Variants in CDH18 observed in about 807,000 individuals in gnomAD.
CDH18 encodes the protein cadherin-18.
In CDH18, 31 loss-of-function variants were observed where a neutral mutation model predicts 67.9. The observed-to-expected ratio is 0.46, with a 90% CI of 0.34 to 0.62. CDH18 has a LOEUF of 0.62. Ranked by LOEUF, CDH18 falls within the 20% of genes least tolerant of loss-of-function variation. The pLI is 0.01. For missense variants in CDH18, 890 were observed against 975.5 expected (o/e 0.91, Z 1.17); for synonymous variants, 362 against 347.2 (o/e 1.04, Z -0.48).
intron 11 of CDH18, among the ~76,000 whole-genome samples, chr5:19,496,805 C>G (rs986899589): frequency 1.4e-4 from 16 of 113,308 alleles, no homozygotes; most frequent in Non-Finnish European, 2.4e-4. Flanking sequence ...GAGTGAGACT[C>G]CATCTCAAAA....
intron 1 of CDH18, among the ~76,000 whole-genome samples, chr5:20,316,344 GA>G (rs1561964946): frequency 6.6e-6 from 1 of 151,986 alleles, no homozygotes; most frequent in African/African-American, 2.4e-5. Flanking sequence ...TGAAATTTAA[GA>G]TCTCTTATTA....
chr5:19,627,617 T>G (rs1392384886), intron 5 of CDH18, among the ~76,000 whole-genome samples: 1 of 152,232 alleles, frequency 6.6e-6, no homozygotes, highest in Non-Finnish European at 1.5e-5. Context: ...GCTTGTAAAT[T>G]GTGTGCTACA....
Position 19,930,970 on chromosome 5 carries a change from C to T in CDH18, c.-257+50090G>A, listed in dbSNP as rs145566088. On this transcript the variant is annotated intron_variant, in intron 2 of 12. Transcript: ENST00000382275. ...AGAATGGAAGTGTGATCAAGACTCT[C>T]AGTTGCTACATCTTGGCAGATATGA... is the stretch of plus-strand genomic sequence containing the variant. 1.8e-4 allele frequency among the ~76,000 whole-genome samples: 28 copies of T among 152,094 alleles called. No individual in the cohort carries two copies. The East Asian group carries it at 3.1e-3, about 17-fold the overall frequency.
intron 1 of CDH18, among the ~76,000 whole-genome samples, chr5:20,365,923 G>A (rs780578849): frequency 1.6e-4 from 24 of 151,992 alleles, no homozygotes; most frequent in Admixed American, 3.9e-4. Flanking sequence ...ATGATGTGCC[G>A]TTGGCCTTCC....
At chr5:20,377,085 G>T (rs1050074068) in intron 1 of CDH18, among the ~76,000 whole-genome samples, 1 of 151,900 alleles carries the variant, frequency 6.6e-6, no homozygotes, top group Non-Finnish European at 1.5e-5. Context: ...TTTCTGAAGC[G>T]GTCACTTCCC....
At chr5:20,042,798 C>T (rs1162520029) in intron 2 of CDH18, among the ~76,000 whole-genome samples, 2 of 151,972 alleles carry the variant, frequency 1.3e-5, no homozygotes, top group Non-Finnish European at 2.9e-5. Flanking sequence ...ACCGTCTCTA[C>T]TAAAAATACA....
intron 4 of CDH18, among the ~76,000 whole-genome samples, chr5:19,726,824 G>A (rs1218264865): frequency 6.6e-6 from 1 of 152,140 alleles, no homozygotes; most frequent in Non-Finnish European, 1.5e-5. Context: ...AACTTCTAAT[G>A]TGACAGTATT....
At chr5:19,803,319 T>C (rs1777661538) in intron 3 of CDH18, among the ~76,000 whole-genome samples, 1 of 152,210 alleles carries the variant, frequency 6.6e-6, no homozygotes, top group African/African-American at 2.4e-5. Flanking sequence ...TCGCTTTAGA[T>C]CCATTTTGCA....
intron 2 of CDH18, among the ~76,000 whole-genome samples, chr5:20,028,762 T>C (rs1739134489): frequency 6.6e-6 from 1 of 152,182 alleles, no homozygotes; most frequent in Non-Finnish European, 1.5e-5. Context: ...TTCATCACGC[T>C]ACTCAGAACA....
chr5:19,811,993 C>T (rs889725683), intron 3 of CDH18, among the ~76,000 whole-genome samples: 10 of 152,074 alleles, frequency 6.6e-5, no homozygotes, highest in African/African-American at 2.2e-4. Flanking sequence ...GTGTGTAAGT[C>T]TAAGCAAGAG....
chr5:19,730,540 G>T (rs1057492648), intron 4 of CDH18, among the ~76,000 whole-genome samples: 1 of 152,082 alleles, frequency 6.6e-6, no homozygotes, highest in Non-Finnish European at 1.5e-5. Context: ...GTTTAAATAC[G>T]AAATTCATTT....
chr5:19,917,274 C>T (rs1791915668), intron 2 of CDH18, among the ~76,000 whole-genome samples: 1 of 152,024 alleles, frequency 6.6e-6, no homozygotes, highest in Non-Finnish European at 1.5e-5. Flanking sequence ...ATTGGGGGAT[C>T]TTTTGTGTCA....
At chr5:19,617,319 C>T (rs1750000095) in intron 5 of CDH18, among the ~76,000 whole-genome samples, 1 of 152,066 alleles carries the variant, frequency 6.6e-6, no homozygotes, top group African/African-American at 2.4e-5. Context: ...TAGACATAGT[C>T]CAAGTAAGAA....
intron 8 of CDH18, among the ~76,000 whole-genome samples, chr5:19,568,066 C>T (rs1740739270): frequency 6.6e-6 from 1 of 152,122 alleles, no homozygotes; most frequent in Non-Finnish European, 1.5e-5. Flanking sequence ...ACCAATTTGC[C>T]AGTCAGTTTG....
At position 20,529,938 on chromosome 5, in the gene CDH18, G is replaced by A. The variant is rs558759379; in HGVS notation, c.-580+45524C>T. Among the ~76,000 whole-genome samples the A allele has an allele frequency of 1.1e-3, 174 of 152,116 alleles. 3 individuals carry two copies. Among genetic ancestry groups the A allele is most frequent in the African/African-American group, 4.0e-3 (166 of 41,468 alleles). ...AAAGCATATTCAAATAGGAAGAGAGGCGGTCAAATTGTCTTTGTTTGCAGA... is the reference window on the plus strand; with the variant it reads ...AAAGCATATTCAAATAGGAAGAGAGACGGTCAAATTGTCTTTGTTTGCAGA... On this transcript the variant is annotated intron_variant, in intron 1 of 14. Coordinates refer to the CDH18 transcript ENST00000507958.
intron 1 of CDH18, among the ~76,000 whole-genome samples, chr5:20,314,248 G>A (rs1255892461): frequency 6.6e-6 from 1 of 151,922 alleles, no homozygotes; most frequent in Admixed American, 6.6e-5. Flanking sequence ...TGTTAGCTTT[G>A]CTACCAGGAA....
Position 20,005,400 on chromosome 5 carries a change from G to GTA in CDH18, c.-517-13388_-517-13387dup, listed in dbSNP as rs1248559652. Reference sequence around the variant, plus strand: ...TAGTCCACATTTATATATAAACAAAGTATATATATATATGTACACACACAC... The same window carrying GTA: ...TAGTCCACATTTATATATAAACAAAGTATATATATATATATGTACACACACAC... On this transcript the variant is annotated intron_variant, in intron 2 of 14. Coordinates refer to the CDH18 transcript ENST00000507958. 1.5e-3 allele frequency among the ~76,000 whole-genome samples: 168 copies of GTA among 109,522 alleles called. No individual in the cohort carries two copies. The South Asian group carries it at 0.025, about 16-fold the overall frequency. 71.9% of individuals were successfully genotyped at this position (109,522 alleles called of 152,430 possible).
At chr5:19,951,166 A>G (rs1795750005) in intron 2 of CDH18, among the ~76,000 whole-genome samples, 2 of 152,182 alleles carry the variant, frequency 1.3e-5, no homozygotes, top group Admixed American at 1.3e-4. Context: ...AAAAGACTAG[A>G]AATGTCTGGC....
intron 1 of CDH18, among the ~76,000 whole-genome samples, chr5:20,512,859 G>C (rs1755129491): frequency 6.8e-6 from 1 of 146,992 alleles, no homozygotes; most frequent in African/African-American, 2.5e-5. Context: ...ACTCCAGCCT[G>C]GGTGACAGAG....
Sources: allele counts gnomAD v4.1 joint callset (sites outside exome capture counted in the v4.1 genomes callset), GRCh38; gene constraint gnomAD v4.1.1; transcripts MANE v1.5; gene names NCBI Gene and HGNC (gene_info 2026-07-23, HGNC 2026-07-21).